ABI1: variants seen among roughly 807,000 people sequenced by gnomAD.
ABI1 encodes Abelson interactor 1.
A neutral mutation model predicts 54.6 loss-of-function variants in ABI1; 14 were observed. The ratio of observed to expected loss-of-function variants is 0.26; its 90% CI spans 0.17 to 0.40. The LOEUF (loss-of-function observed/expected upper bound fraction) is 0.40, where lower values mean the gene tolerates loss of function less well. Among genes scored for constraint, ABI1 ranks in the 10% least tolerant of loss-of-function variants. The pLI, the probability that ABI1 is intolerant of heterozygous loss-of-function variation, is 1.00. For synonymous variants in ABI1, 194 were observed against 209.3 expected (o/e 0.93, Z 0.63); for missense variants, 443 against 598.3 (o/e 0.74, Z 2.71).
chr10:26,826,229 G>C (rs1040456198), intron 1 of ABI1, among the ~76,000 whole-genome samples: 31 of 152,176 alleles, frequency 2.0e-4, no homozygotes, highest in Admixed American at 6.5e-5. Context: ...AAATAAGTAT[G>C]TGTTAGCAGG....
At chr10:26,850,343 T>C (rs1313868795) in intron 1 of ABI1, among the ~76,000 whole-genome samples, 1 of 152,154 alleles carries the variant, frequency 6.6e-6, no homozygotes, top group Non-Finnish European at 1.5e-5. Context: ...GTACAGTAAA[T>C]GCTAACAGAT....
At chr10:26,775,170 A>G (rs1456633873) in intron 3 of ABI1, among the ~76,000 whole-genome samples, 2 of 152,174 alleles carry the variant, frequency 1.3e-5, no homozygotes, top group African/African-American at 4.8e-5. Context: ...TGCTCTGGAA[A>G]TATTTAAGCC....
chr10:26,773,687 C>T (rs1278025640), intron 3 of ABI1, among the ~76,000 whole-genome samples: 3 of 152,172 alleles, frequency 2.0e-5, no homozygotes, highest in Non-Finnish European at 4.4e-5. Flanking sequence ...TGGGTTCCTA[C>T]TTAGGCAAAC....
At position 26,747,452 on chromosome 10, in the gene ABI1, T is replaced by A; in HGVS notation, c.*1118A>T. ...TTATTTTATTTTAAAATTCTAATGT[T>A]GCTAGTGCCAGGTAATGGATTAAAG... is the stretch of plus-strand genomic sequence containing the variant. On this transcript the variant is annotated 3_prime_UTR_variant, in exon 11 of 11. Coordinates refer to ENST00000376140, the MANE Select transcript of ABI1 (RefSeq NM_001012750.3). The A allele has an allele frequency of 4.7e-6, 1 of 214,634 alleles. No homozygotes were observed. The highest frequency in any genetic ancestry group is 9.4e-6 in the Non-Finnish European group (1 of 106,258). 13.3% of individuals were successfully genotyped at this position (214,634 alleles called of 1,614,324 possible). A position where few individuals can be genotyped will look rare whatever the true frequency, so the allele number is the denominator to read the frequency against.
chr10:26,859,864 T>C (rs1418771124), intron 1 of ABI1, among the ~76,000 whole-genome samples: 1 of 152,206 alleles, frequency 6.6e-6, no homozygotes, highest in Non-Finnish European at 1.5e-5. Flanking sequence ...CAAGAACTTT[T>C]GGGAGAAGGG....
chr10:26,791,068 C>CAAAAAAAAA (rs369738380), intron 2 of ABI1, among the ~76,000 whole-genome samples: 1 of 59,138 alleles, frequency 1.7e-5, no homozygotes, highest in Non-Finnish European at 3.4e-5. Flanking sequence ...GATTCCGTCT[C>CAAAAAAAAA]AAAAAAAAAA....
Position 26,813,564 on chromosome 10 carries a change from T to A in ABI1, c.285+9574A>T, listed in dbSNP as rs74548418. Reference sequence around the variant, plus strand: ...TGTAATAACCACATAAAGCAATAGTTCTCTGACTGATCTAAAGACTCCTGA... The same window carrying A: ...TGTAATAACCACATAAAGCAATAGTACTCTGACTGATCTAAAGACTCCTGA... On this transcript the variant is annotated intron_variant, in intron 2 of 10. Coordinates refer to ENST00000376140, the MANE Select transcript of ABI1 (RefSeq NM_001012750.3). Among the ~76,000 whole-genome samples, 652 of 152,300 alleles carry A rather than the reference T, an allele frequency of 4.3e-3. 4 individuals are homozygous for A. Among genetic ancestry groups the A allele is most frequent in the African/African-American group, 0.015 (611 of 41,564 alleles).
chr10:26,763,298 T>G (rs537879446), intron 7 of ABI1, among the ~76,000 whole-genome samples: 1 of 152,352 alleles, frequency 6.6e-6, no homozygotes, highest in Admixed American at 6.5e-5. Context: ...GGTTTTTACA[T>G]TGACATTTAA....
chr10:26,773,580 G>A (rs899405946), intron 3 of ABI1, among the ~76,000 whole-genome samples: 4 of 152,018 alleles, frequency 2.6e-5, no homozygotes, highest in African/African-American at 4.8e-5. Flanking sequence ...ATCTTCCTAT[G>A]TAAACATTAT....
chr10:26,765,456 GA>G, intron 6 of ABI1, 138 bp from the exon 7 acceptor site: 1 of 661,570 alleles, frequency 1.5e-6, no homozygotes, highest in Non-Finnish European at 2.5e-6. Context: ...CTGGTTTCAA[GA>G]GCCCCCTTGG....
At chr10:26,787,881 G>A (rs563292342) in intron 2 of ABI1, among the ~76,000 whole-genome samples, 7 of 149,702 alleles carry the variant, frequency 4.7e-5, no homozygotes, top group South Asian at 4.2e-4. Context: ...AAAAAAAAGC[G>A]TGCAATCTTG....
Position 26,808,314 on chromosome 10 carries a change from G to T in ABI1, c.285+14824C>A, listed in dbSNP as rs115566533. 4.2e-3 allele frequency among the ~76,000 whole-genome samples: 643 copies of T among 152,282 alleles called. 4 individuals carry two copies. The highest frequency in any genetic ancestry group is 0.014 in the African/African-American group (602 of 41,552). ...GTTTGGTTGGTTTACTCCTGGAACA[G>T]AAACTAAATCCATAGCATTGCCCCT... On this transcript the variant is annotated intron_variant, in intron 2 of 10. Transcript: ENST00000376140.
chr10:26,830,621 C>CT (rs2048603259), intron 1 of ABI1, among the ~76,000 whole-genome samples: 1 of 128,586 alleles, frequency 7.8e-6, no homozygotes, highest in East Asian at 2.5e-4. Context: ...ACCCTGTCTC[C>CT]TTTAAAAAAA....
At chr10:26,764,904 G>A (rs950173446) in intron 7 of ABI1, among the ~76,000 whole-genome samples, 8 of 152,210 alleles carry the variant, frequency 5.3e-5, no homozygotes, top group African/African-American at 1.7e-4. Flanking sequence ...TTTGGTATCC[G>A]CAGGGGACCT....
Position 26,860,688 on chromosome 10 carries a change from TGGTCACTCCGGCGGGTCCTCGACCC to T in ABI1, c.117+34_117+58del. ...CAGTTCCCCACCCCGCCCAGTGGGC[TGGTCACTCCGGCGGGTCCTCGACCC>T]GGCCAGCGCCCGCCGGCCGCCAGAG... On this transcript the variant is annotated intron_variant, in intron 1 of 10. Transcript: ENST00000376140. This position sits in a 1 kb window ranked among gnomAD's most constrained non-coding sequence, Gnocchi z 4.1. The T allele has an allele frequency of 7.3e-7, 1 of 1,378,898 alleles. No individual in the cohort carries two copies. The highest frequency in any genetic ancestry group is 1.0e-6 in the Non-Finnish European group (1 of 969,716). 85.4% of individuals were successfully genotyped at this position (1,378,898 alleles called of 1,614,324 possible).
intron 9 of ABI1, among the ~76,000 whole-genome samples, chr10:26,755,062 T>C (rs1838131931): frequency 6.6e-6 from 1 of 152,210 alleles, no homozygotes. Flanking sequence ...GTGAAAAGGA[T>C]GCTAAATTGC....
rs772883596 is a variant in ABI1 at position 26,768,863 on chromosome 10, T to C, written c.708A>G (p.Pro236=). The C allele has an allele frequency of 1.4e-5, 23 of 1,612,998 alleles. No individual in the cohort carries two copies. Residue 236 remains proline, a synonymous_variant, in exon 6 of 11, where the codon CCA becomes CCG. Transcript: ENST00000376140. ...PGRTASLNQR[P]RTHSGSSGGS... is the part of the protein sequence containing the mutation. Reference sequence around the variant, plus strand: ...ACCTAAAGGCTTACCTGTGTGTCCTTGGTCTCTGATTTAAAGATGCTGTCC... The same window carrying C: ...ACCTAAAGGCTTACCTGTGTGTCCTCGGTCTCTGATTTAAAGATGCTGTCC...
rs1005676928 is a variant in ABI1 at position 26,777,310 on chromosome 10, G to A, written c.286-69C>T. On this transcript the variant is annotated intron_variant, in intron 2 of 10. Transcript: ENST00000376140. ...AATATGTTTGCTATCCATATACACT[G>A]GACCATATTTAGGACAGACCACAGG... The A allele has an allele frequency of 1.4e-5, 18 of 1,286,876 alleles. No individual in the cohort carries two copies. The Admixed American group carries it at 4.0e-4, about 29-fold the overall frequency. The allele number at this position is 1,286,876 out of a possible 1,614,324, so 79.7% of individuals were successfully genotyped here.
At chr10:26,828,050 C>T (rs969977768) in intron 1 of ABI1, among the ~76,000 whole-genome samples, 5 of 152,168 alleles carry the variant, frequency 3.3e-5, no homozygotes, top group Admixed American at 3.3e-4. Flanking sequence ...TCGCTAAGCT[C>T]CCATTAGTAG....
Sources: allele counts gnomAD v4.1 joint callset (sites outside exome capture counted in the v4.1 genomes callset), GRCh38; gene constraint gnomAD v4.1.1; non-coding constraint Gnocchi (gnomAD v3.1); transcripts MANE v1.5; gene names NCBI Gene and HGNC (gene_info 2026-07-23, HGNC 2026-07-21).